The following PLXDC2 variants were observed in gnomAD, a reference collection of about 807,000 sequenced individuals.
PLXDC2 encodes plexin domain-containing protein 2.
A neutral mutation model predicts 68.9 loss-of-function variants in PLXDC2; 40 were observed. The observed-to-expected ratio is 0.58, with a 90% CI of 0.45 to 0.76. The LOEUF (loss-of-function observed/expected upper bound fraction) is 0.76. Ranked by LOEUF, PLXDC2 falls within the 30% of genes least tolerant of loss-of-function variation. PLXDC2 has a pLI of 0.00. For synonymous variants in PLXDC2, 243 were observed against 234.2 expected (o/e 1.04, Z -0.34); for missense variants, 644 against 661.9 (o/e 0.97, Z 0.30).
rs1836143716 is a variant in PLXDC2 at position 20,285,628 on chromosome 10, C to T, written c.*5809C>T. On this transcript the variant is annotated 3_prime_UTR_variant, in exon 14 of 14. Transcript: ENST00000377252. ...CAAAATTCTCCCTGACCTAAGAATA[C>T]TTTCTAGTTCACTGCAGTCTTACTG... The T allele has an allele frequency of 6.6e-6, 1 of 152,190 alleles. No individual in the cohort carries two copies. The highest frequency in any genetic ancestry group is 2.1e-4 in the South Asian group (1 of 4,822). The allele number at this position is 152,190 out of a possible 1,614,324, so 9.4% of individuals were successfully genotyped here. A position where few individuals can be genotyped will look rare whatever the true frequency, so the allele number is the denominator to read the frequency against.
intron 1 of PLXDC2, among the ~76,000 whole-genome samples, chr10:19,995,033 G>A (rs1293462889): frequency 6.6e-6 from 1 of 152,162 alleles, no homozygotes; most frequent in Non-Finnish European, 1.5e-5. Context: ...GTGAGCCACA[G>A]CGCCAGGCCT....
Position 20,193,166 on chromosome 10 carries a change from G to A in PLXDC2, c.1061+15757G>A, listed in dbSNP as rs535044625. 1.1e-3 allele frequency among the ~76,000 whole-genome samples: 173 copies of A among 152,140 alleles called. 1 individual carries two copies. The highest frequency in any genetic ancestry group is 3.0e-3 in the Admixed American group (46 of 15,244). On this transcript the variant is annotated intron_variant, in intron 9 of 13. Transcript: ENST00000377252. ...CCTAAGACAGAACTAGAAATTCTAT[G>A]TTAGTGCAATTATTCTCCATAATGG... is the stretch of plus-strand genomic sequence containing the variant.
intron 3 of PLXDC2, among the ~76,000 whole-genome samples, chr10:20,067,173 C>T (rs927722906): frequency 6.6e-6 from 1 of 151,942 alleles, no homozygotes; most frequent in Non-Finnish European, 1.5e-5. Context: ...CACTATATAC[C>T]TGTTGAGTTA....
chr10:20,090,742 A>G (rs943499483), intron 4 of PLXDC2, among the ~76,000 whole-genome samples: 2 of 152,184 alleles, frequency 1.3e-5, no homozygotes, highest in Admixed American at 1.3e-4. Flanking sequence ...TTTGACAGAA[A>G]CTGACATTAC....
chr10:19,989,401 A>C, intron 1 of PLXDC2, among the ~76,000 whole-genome samples: 2 of 152,174 alleles, frequency 1.3e-5, no homozygotes, highest in East Asian at 3.8e-4. Flanking sequence ...TTAAAATGTT[A>C]ACAATTCAGT....
chr10:19,996,027 T>G (rs1402064460), intron 1 of PLXDC2, among the ~76,000 whole-genome samples: 2 of 152,142 alleles, frequency 1.3e-5, no homozygotes, highest in South Asian at 2.1e-4. Context: ...TGGGGTGTCT[T>G]ATAGTTGAGT....
rs1836171572 is a variant in PLXDC2, at chr10:20,287,476, G to C, written c.*7657G>C. 1 of 152,114 alleles carries C rather than the reference G, an allele frequency of 6.6e-6. No individual in the cohort carries two copies. Among genetic ancestry groups the C allele is most frequent in the African/African-American group, 2.4e-5 (1 of 41,422 alleles). The allele number at this position is 152,114 out of a possible 1,614,324, so 9.4% of individuals were successfully genotyped here. On this transcript the variant is annotated 3_prime_UTR_variant, in exon 14 of 14. Transcript: ENST00000377252. ...AGACAGACTCCAGTGCTATTTTCTG[G>C]ACATTTGTGGTGAAGCCTCAGCCAC... is the stretch of plus-strand genomic sequence containing the variant.
intron 9 of PLXDC2, among the ~76,000 whole-genome samples, chr10:20,178,090 T>C (rs1272733324): frequency 5.9e-5 from 9 of 152,138 alleles, no homozygotes. Context: ...GGGTGGTTTA[T>C]AATAATCACA....
chr10:19,886,817 G>A (rs1837855468), intron 1 of PLXDC2, among the ~76,000 whole-genome samples: 1 of 152,056 alleles, frequency 6.6e-6, no homozygotes, highest in Admixed American at 6.6e-5. Context: ...CTGTAATTCT[G>A]AAAAGAAAAA....
At chr10:20,192,495 A>C (rs1275317455) in intron 9 of PLXDC2, among the ~76,000 whole-genome samples, 1 of 152,144 alleles carries the variant, frequency 6.6e-6, no homozygotes, top group Admixed American at 6.6e-5. Flanking sequence ...TAAAAATAGC[A>C]CACAGAGAAT....
rs143806686 is a variant in PLXDC2 at position 19,972,712 on chromosome 10, A to C, written c.113-29063A>C. ...ACTTGATTAAGGAGAGAATGGATAC[A>C]GGGGCACAGTTGAGCTGTTAAAATA... On this transcript the variant is annotated intron_variant, in intron 1 of 13. Transcript: ENST00000377252. 3.8e-3 allele frequency among the ~76,000 whole-genome samples: 577 copies of C among 152,336 alleles called. 4 individuals are homozygous for C. The highest frequency in any genetic ancestry group is 0.013 in the African/African-American group (560 of 41,590).
At chr10:20,210,719 G>A (rs890952808) in intron 9 of PLXDC2, among the ~76,000 whole-genome samples, 4 of 152,132 alleles carry the variant, frequency 2.6e-5, no homozygotes, top group Admixed American at 2.0e-4. Flanking sequence ...AATCAGCAAA[G>A]GTGAAATGCA....
intron 1 of PLXDC2, among the ~76,000 whole-genome samples, chr10:19,931,792 T>C (rs1833639270): frequency 6.6e-6 from 1 of 152,178 alleles, no homozygotes; most frequent in Non-Finnish European, 1.5e-5. Context: ...CTCCCTGCCA[T>C]ACAGAGCAGT....
chr10:20,176,959 G>C (rs1372661887), intron 7 of PLXDC2, 40 bp from the exon 8 acceptor site: 9 of 1,425,006 alleles, frequency 6.3e-6, no homozygotes, highest in Non-Finnish European at 7.8e-6. Context: ...TTGTAAGCGA[G>C]GAAAGGTTAA....
intron 12 of PLXDC2, among the ~76,000 whole-genome samples, chr10:20,233,866 G>A (rs1219670568): frequency 6.6e-6 from 1 of 152,086 alleles, no homozygotes; most frequent in Non-Finnish European, 1.5e-5. Flanking sequence ...TGTCACCCAG[G>A]CTAGAGTGCA....
At chr10:20,216,632 T>A (rs1835141755) in intron 10 of PLXDC2, among the ~76,000 whole-genome samples, 1 of 152,176 alleles carries the variant, frequency 6.6e-6, no homozygotes, top group East Asian at 1.9e-4. Context: ...TCCAGAATAG[T>A]TATTTTCTAC....
intron 2 of PLXDC2, among the ~76,000 whole-genome samples, chr10:20,015,542 C>T (rs1360810919): frequency 6.6e-6 from 1 of 152,122 alleles, no homozygotes; most frequent in Admixed American, 6.6e-5. Flanking sequence ...CTGAGCATTA[C>T]AATCAACATA....
In PLXDC2 at chr10:20,287,991, G is replaced by GGGGA. The variant is rs1836181901; in HGVS notation, c.*8175_*8176insAGGG. 1 of 128,258 alleles carries GGGGA rather than the reference G, an allele frequency of 7.8e-6. No individual in the cohort carries two copies. The highest frequency in any genetic ancestry group is 3.2e-4 in the South Asian group (1 of 3,156). The allele number at this position is 128,258 out of a possible 1,614,324, so 7.9% of individuals were successfully genotyped here. A position where few individuals can be genotyped will look rare whatever the true frequency, so the allele number is the denominator to read the frequency against. On this transcript the variant is annotated 3_prime_UTR_variant, in exon 14 of 14. Coordinates refer to ENST00000377252, the MANE Select transcript of PLXDC2 (RefSeq NM_032812.9). ...GCACTTCTTGCGGCGGGGGAGGGGG[G>GGGGA]GGGGGCGGTGGCTTTCCAGATTTTA...
chr10:19,917,769 T>TGCATCTGAATGCATCTGAATG (rs761332293), intron 1 of PLXDC2, among the ~76,000 whole-genome samples: 14 of 152,336 alleles, frequency 9.2e-5, no homozygotes, highest in Non-Finnish European at 1.9e-4. Context: ...TAAAACCTAC[T>TGCATCTGAATGCATCTGAATG]CATCTGAATG....
Sources: gnomAD v4.1 joint callset for allele counts (sites outside exome capture counted in the v4.1 genomes callset) on GRCh38, gnomAD v4.1.1 for gene constraint, MANE v1.5 for transcripts, NCBI Gene and HGNC (gene_info 2026-07-23, HGNC 2026-07-21) for gene names.